The following RSRC1 variants were observed in gnomAD, a reference collection of about 807,000 sequenced individuals.
The protein encoded by RSRC1 is serine/Arginine-related protein 53.
Under a neutral mutation model 49.1 loss-of-function variants are expected in RSRC1, and 39 were observed. The ratio of observed to expected loss-of-function variants is 0.79; its 90% CI spans 0.61 to 1.04. RSRC1 has a LOEUF of 1.04. Ranked by LOEUF, RSRC1 falls within the 50% of genes least tolerant of loss-of-function variation. The probability of loss-of-function intolerance (pLI) is 0.00; values close to 1 mark genes in which losing one functional copy is unlikely to be tolerated. For missense variants in RSRC1, 388 were observed against 402.4 expected (o/e 0.96, Z 0.31); for synonymous variants, 143 against 130.8 (o/e 1.09, Z -0.63).
At chr3:158,487,960 A>AAAAAAAAAAAC in intron 7 of RSRC1, among the ~76,000 whole-genome samples, 1 of 147,370 alleles carries the variant, frequency 6.8e-6, no homozygotes, top group African/African-American at 2.5e-5. Flanking sequence ...AAAAAAAAAA[A>AAAAAAAAAAAC]AAAAAAAAAA....
intron 7 of RSRC1, among the ~76,000 whole-genome samples, chr3:158,461,239 T>C (rs535052255): frequency 6.6e-6 from 1 of 152,030 alleles, no homozygotes; most frequent in African/African-American, 2.4e-5. Flanking sequence ...TAAGATTATA[T>C]AGTAGTGCTG....
chr3:158,484,677 A>G lies in RSRC1; in HGVS notation c.652+23674A>G, dbSNP rs564023057. Among the ~76,000 whole-genome samples, 5 of 152,262 alleles carry G rather than the reference A, an allele frequency of 3.3e-5. No homozygotes were observed. The South Asian group carries it at 6.2e-4, about 19-fold the overall frequency. On this transcript the variant is annotated intron_variant, in intron 7 of 9. Transcript: ENST00000611884. ...AATTTGTAAATCAAATATTCAATGC[A>G]TGATTCCAAAGTAGTTTATGACTCA...
At chr3:158,266,691 T>G (rs1725199615) in intron 4 of RSRC1, among the ~76,000 whole-genome samples, 1 of 152,204 alleles carries the variant, frequency 6.6e-6, no homozygotes. Flanking sequence ...TCCATTCTAC[T>G]TTAACTTATC....
chr3:158,367,351 G>A (rs781412790), intron 6 of RSRC1, among the ~76,000 whole-genome samples: 4 of 152,132 alleles, frequency 2.6e-5, no homozygotes, highest in Non-Finnish European at 5.9e-5. Flanking sequence ...ATGAAGGGGT[G>A]TTGAATTGTA....
At chr3:158,472,409 A>G (rs1435966750) in intron 7 of RSRC1, among the ~76,000 whole-genome samples, 1 of 152,172 alleles carries the variant, frequency 6.6e-6, no homozygotes, top group Non-Finnish European at 1.5e-5. Context: ...TCGAGTACAC[A>G]TATGCATATG....
At chr3:158,480,260 C>G (rs1481110405) in intron 7 of RSRC1, among the ~76,000 whole-genome samples, 1 of 151,728 alleles carries the variant, frequency 6.6e-6, no homozygotes, top group Non-Finnish European at 1.5e-5. Context: ...AGTGATATAT[C>G]AAATTAATAC....
intron 4 of RSRC1, chr3:158,275,762 T>C (rs1725774127): frequency 2.2e-6 from 1 of 458,456 alleles, no homozygotes; most frequent in Non-Finnish European, 3.5e-6. Context: ...CAGACATGAC[T>C]GCCCTAAATA....
At chr3:158,469,253 T>A in intron 7 of RSRC1, 1 of 354,958 alleles carries the variant, frequency 2.8e-6, no homozygotes, top group Non-Finnish European at 5.4e-6. Context: ...TGTTTTATAG[T>A]TAACTAGTTT....
At chr3:158,131,532 T>C (rs185608778) in intron 3 of RSRC1, among the ~76,000 whole-genome samples, 1 of 152,304 alleles carries the variant, frequency 6.6e-6, no homozygotes, top group East Asian at 1.9e-4. Context: ...CCATTGTGTG[T>C]GGGTAGCATT....
chr3:158,328,584 G>C (rs1476074021), intron 5 of RSRC1, among the ~76,000 whole-genome samples: 1 of 152,188 alleles, frequency 6.6e-6, no homozygotes, highest in East Asian at 1.9e-4. Flanking sequence ...GGCTTGTAGA[G>C]TTTCTGCCGA....
rs539335212 is a variant in RSRC1 at position 158,478,741 on chromosome 3, A to G, written c.652+17738A>G. ...TTTTCTAAAGAGGCCAGGAAAACCT[A>G]GTTAGTAGAAATGATTGTGAATCAG... On this transcript the variant is annotated intron_variant, in intron 7 of 9. Coordinates refer to ENST00000611884, the MANE Select transcript of RSRC1 (RefSeq NM_001271838.2). Among the ~76,000 whole-genome samples, 19 of 152,174 alleles carry G rather than the reference A, an allele frequency of 1.2e-4. No individual in the cohort carries two copies. In the South Asian group the frequency reaches 3.9e-3, roughly 32 times the overall value.
At chr3:158,291,977 G>A (rs1726962302) in intron 4 of RSRC1, among the ~76,000 whole-genome samples, 1 of 152,188 alleles carries the variant, frequency 6.6e-6, no homozygotes, top group Non-Finnish European at 1.5e-5. Flanking sequence ...TTGTAACAAA[G>A]GGAAAGTAAT....
At chr3:158,123,831 T>G (rs371107186) in intron 2 of RSRC1, 35 bp from the exon 3 acceptor site, 34 of 1,570,788 alleles carry the variant, frequency 2.2e-5, no homozygotes, top group Non-Finnish European at 2.1e-5. Flanking sequence ...ATAAAAATTT[T>G]TATAGCAGTG....
chr3:158,129,446 A>G (rs1391874640), intron 3 of RSRC1, among the ~76,000 whole-genome samples: 1 of 151,642 alleles, frequency 6.6e-6, no homozygotes, highest in African/African-American at 2.4e-5. Context: ...GCCCACCACC[A>G]CGTCCAGCTA....
chr3:158,132,626 A>G (rs976148005), intron 3 of RSRC1, among the ~76,000 whole-genome samples: 10 of 152,320 alleles, frequency 6.6e-5, no homozygotes, highest in African/African-American at 2.4e-4. Context: ...TGACCACATG[A>G]TCCCTATTCA....
At chr3:158,148,576 G>T (rs959018777) in intron 3 of RSRC1, among the ~76,000 whole-genome samples, 3 of 151,964 alleles carry the variant, frequency 2.0e-5, no homozygotes, top group Admixed American at 2.0e-4. Context: ...TAACTACTTT[G>T]CCAAGTTTTG....
intron 4 of RSRC1, among the ~76,000 whole-genome samples, chr3:158,209,627 T>C (rs1052085808): frequency 7.9e-5 from 12 of 152,064 alleles, no homozygotes; most frequent in African/African-American, 2.4e-4. Flanking sequence ...TATTTCCTCA[T>C]TGGATTTTCA....
chr3:158,322,142 C>T (rs946837268), intron 5 of RSRC1, among the ~76,000 whole-genome samples: 4 of 152,142 alleles, frequency 2.6e-5, no homozygotes, highest in East Asian at 1.9e-4. Context: ...GGCAGGTCCA[C>T]GAGCAATGAA....
chr3:158,174,122 A>AT (rs1283007046), intron 3 of RSRC1, among the ~76,000 whole-genome samples: 1 of 151,946 alleles, frequency 6.6e-6, no homozygotes, highest in African/African-American at 2.4e-5. Context: ...CAACAAAGTT[A>AT]TTTTTAAAAA....
Sources: gnomAD v4.1 joint callset for allele counts (sites outside exome capture counted in the v4.1 genomes callset) on GRCh38, gnomAD v4.1.1 for gene constraint, MANE v1.5 for transcripts, NCBI Gene and HGNC (gene_info 2026-07-23, HGNC 2026-07-21) for gene names.